SLC5A10: variants seen among roughly 807,000 people sequenced by gnomAD.
SLC5A10 encodes the protein solute carrier family 5 member 10.
Under a neutral mutation model 68.9 loss-of-function variants are expected in SLC5A10, and 55 were observed. The observed-to-expected ratio is 0.80, with a 90% CI of 0.64 to 1.00. The LOEUF is 1.00. Ranked by LOEUF, SLC5A10 falls within the 50% of genes least tolerant of loss-of-function variation. SLC5A10 has a pLI of 0.00. For missense variants in SLC5A10, 732 were observed against 819.3 expected, an observed-to-expected ratio of 0.89 and a Z score of 1.30; for synonymous variants, 344 against 344.8, an observed-to-expected ratio of 1.00 and a Z score of 0.02.
intron 9 of SLC5A10, chr17:18,979,617 C>T (rs757147716): frequency 6.2e-7 from 1 of 1,613,560 alleles, no homozygotes; most frequent in East Asian, 2.2e-5. Context: ...CACCCTTGAA[C>T]TTGGTTGCCG....
intron 9 of SLC5A10, chr17:18,978,148 C>G: frequency 6.5e-6 from 10 of 1,529,842 alleles, no homozygotes; most frequent in Non-Finnish European, 7.9e-6. Context: ...CTGTCCGGGG[C>G]TTGGGCACGG....
chr17:18,993,972 A>G (rs1373932956), intron 9 of SLC5A10, among the ~76,000 whole-genome samples: 2 of 151,984 alleles, frequency 1.3e-5, no homozygotes, highest in African/African-American at 4.8e-5. Context: ...CCTCCCACCA[A>G]CCCAAGTCCC....
intron 9 of SLC5A10, among the ~76,000 whole-genome samples, chr17:18,983,068 G>A (rs968614814): frequency 2.6e-5 from 4 of 152,248 alleles, no homozygotes; most frequent in African/African-American, 9.6e-5. Flanking sequence ...AAAACATCCA[G>A]GAGGGATGGA....
In SLC5A10 at chr17:18,976,879, C is replaced by A; in HGVS notation, c.872C>A (p.Ala291Asp). 3 of 1,613,618 alleles carry A rather than the reference C, an allele frequency of 1.9e-6. No individual in the cohort carries two copies. The highest frequency in any genetic ancestry group is 2.5e-6 in the Non-Finnish European group (3 of 1,180,020). The change falls in exon 9 of 15, where the codon GCC (alanine) becomes GAC (aspartate). Residue 291 changes from alanine to aspartate, a missense_variant. Transcript: ENST00000395645. ...GTCATCGTGCAGCGATCACTGTCAG[C>A]CCGGGACCTGAACCATGCCAAGGCG... is the stretch of plus-strand genomic sequence containing the variant. ...DQVIVQRSLS[A>D]RDLNHAKAGS...
intron 9 of SLC5A10, among the ~76,000 whole-genome samples, chr17:18,981,925 C>T (rs181793976): frequency 2.0e-5 from 3 of 152,328 alleles, no homozygotes; most frequent in Admixed American, 6.5e-5. Context: ...ACGAGGCCTT[C>T]CCTGTCACTG....
At chr17:19,015,233 A>AGAACGGGGGTGGGGGT in intron 11 of SLC5A10, 34 bp downstream of exon 11, 1 of 621,822 alleles carries the variant, frequency 1.6e-6, no homozygotes, top group Non-Finnish European at 2.5e-6. Context: ...GGGGTGGGGG[A>AGAACGGGGGTGGGGGT]ACACTACAAG....
intron 9 of SLC5A10, among the ~76,000 whole-genome samples, chr17:19,005,195 A>AC (rs1244937996): frequency 6.6e-6 from 1 of 152,174 alleles, no homozygotes; most frequent in Non-Finnish European, 1.5e-5. Context: ...GGGATAGGGC[A>AC]CTGACTGACC....
chr17:18,954,264 G>A (rs1163820930), intron 1 of SLC5A10: 3 of 152,542 alleles, frequency 2.0e-5, no homozygotes, highest in East Asian at 3.9e-4. Flanking sequence ...GATCTGAAGA[G>A]GGAAAGAGGA....
At chr17:18,988,466 C>T in intron 9 of SLC5A10, 1 of 1,595,278 alleles carries the variant, frequency 6.3e-7, no homozygotes, top group Non-Finnish European at 8.6e-7. Context: ...GCAGTGGGGA[C>T]AGGGTGCCCT....
At position 18,971,797 on chromosome 17, in the gene SLC5A10, C is replaced by T. The variant is rs1234974135; in HGVS notation, c.846+579C>T. On this transcript the variant is annotated intron_variant, in intron 8 of 14. Coordinates refer to ENST00000395645, the MANE Select transcript of SLC5A10 (RefSeq NM_001042450.4). The surrounding 1 kb of genome is among the most constrained non-coding windows in gnomAD (Gnocchi z 5.5). Reference sequence around the variant, plus strand: ...GAGGCTGAGCAAGAAGGGCCAACCCCGCCCCAGCACAGGACCCTGCTCAGG... The same window carrying T: ...GAGGCTGAGCAAGAAGGGCCAACCCTGCCCCAGCACAGGACCCTGCTCAGG... 9 of 1,517,804 alleles carry T rather than the reference C, an allele frequency of 5.9e-6. No individual in the cohort carries two copies. Among genetic ancestry groups the T allele is most frequent in the African/African-American group, 1.4e-5 (1 of 72,032 alleles). The allele number at this position is 1,517,804 out of a possible 1,614,324, so 94.0% of individuals were successfully genotyped here.
chr17:19,004,124 G>T lies in SLC5A10; in HGVS notation c.983-9286G>T. 1.5e-6 allele frequency: 2 copies of T among 1,370,374 alleles called. No individual in the cohort carries two copies. Among genetic ancestry groups the T allele is most frequent in the Non-Finnish European group, 2.0e-6 (2 of 1,009,332 alleles). The allele number at this position is 1,370,374 out of a possible 1,614,324, so 84.9% of individuals were successfully genotyped here. On this transcript the variant is annotated intron_variant, in intron 9 of 14. Coordinates refer to ENST00000395645, the MANE Select transcript of SLC5A10 (RefSeq NM_001042450.4). The surrounding 1 kb of genome is among the most constrained non-coding windows in gnomAD (Gnocchi z 5.4). ...CTCCGGCCCAGCTGGGGCACCGCGCGCTCGGGGGCCTCTCCGCGGCCTCTG... is the reference window on the plus strand; with the variant it reads ...CTCCGGCCCAGCTGGGGCACCGCGCTCTCGGGGGCCTCTCCGCGGCCTCTG...
intron 9 of SLC5A10, among the ~76,000 whole-genome samples, chr17:19,011,662 C>A (rs1271732519): frequency 2.0e-5 from 3 of 151,740 alleles, no homozygotes; most frequent in Non-Finnish European, 4.4e-5. Flanking sequence ...AAGCTATGAG[C>A]CTGGGGGGCT....
intron 9 of SLC5A10, among the ~76,000 whole-genome samples, chr17:18,985,280 T>C (rs879281130): frequency 5.9e-5 from 9 of 152,192 alleles, no homozygotes; most frequent in Admixed American, 5.9e-4. Context: ...CCCCATTTTG[T>C]AGACAAGACA....
chr17:18,963,444 C>T (rs1170196599), intron 5 of SLC5A10, among the ~76,000 whole-genome samples: 1 of 152,222 alleles, frequency 6.6e-6, no homozygotes, highest in Non-Finnish European at 1.5e-5. Flanking sequence ...ACAGGGAGCA[C>T]CCACTCACAT....
At chr17:18,959,011 C>A in intron 2 of SLC5A10, 124 bp from the exon 3 acceptor site, 1 of 960,870 alleles carries the variant, frequency 1.0e-6, no homozygotes, top group South Asian at 1.6e-5. Flanking sequence ...CCCTGGGCTC[C>A]TCATCCGTGA....
In SLC5A10 at chr17:18,978,900, C is replaced by T. The variant is rs199927443; in HGVS notation, c.982+1911C>T. ...GTCAGGCACATGACCCTGCTTCCTC[C>T]GCCCAGCCCCCGTGCACCCATAGCC... On this transcript the variant is annotated intron_variant, in intron 9 of 14. Coordinates refer to ENST00000395645, the MANE Select transcript of SLC5A10 (RefSeq NM_001042450.4). 5.1e-3 allele frequency: 8,176 copies of T among 1,590,806 alleles called. 30 individuals are homozygous for T. The highest frequency in any genetic ancestry group is 6.4e-3 in the Non-Finnish European group (7,418 of 1,166,442).
rs775357614 is a variant in SLC5A10, at chr17:19,019,486, C to G, written c.1305C>G (p.Asn435Lys). ...GGATCCCCGTCCTGCAGGACTCCAA[C>G]AGCGGGCAACTCTTCATCTACATGC... ...VAWIPVLQDS[N>K]SGQLFIYMQS... is the part of the protein sequence containing the mutation. The change falls in exon 12 of 15, where the codon AAC becomes AAG. Residue 435 changes from asparagine (N) to lysine (K), a missense_variant. Coordinates refer to ENST00000395645, the MANE Select transcript of SLC5A10 (RefSeq NM_001042450.4). 6.2e-7 allele frequency: 1 copy of G among 1,612,376 alleles called. No individual in the cohort carries two copies. The highest frequency in any genetic ancestry group is 2.2e-5 in the East Asian group (1 of 44,884).
chr17:19,021,944 C>T lies in SLC5A10; in HGVS notation c.*1513C>T, dbSNP rs1326265992. ...CTGTAAAAAGGCCCGTTGGCCAGAT[C>T]GGCCGCCGGGCTGCTCACAGGTGCA... On this transcript the variant is annotated 3_prime_UTR_variant, in exon 15 of 15. Transcript: ENST00000395645. This position sits in a 1 kb window ranked among gnomAD's most constrained non-coding sequence, Gnocchi z 4.1. 1.0e-5 allele frequency: 15 copies of T among 1,496,668 alleles called. No individual in the cohort carries two copies. The highest frequency in any genetic ancestry group is 7.0e-5 in the Admixed American group (3 of 43,048). The allele number at this position is 1,496,668 out of a possible 1,614,324, so 92.7% of individuals were successfully genotyped here.
In SLC5A10 at chr17:19,019,392, C is replaced by T. The variant is rs375209286; in HGVS notation, c.1242-31C>T. On this transcript the variant is annotated intron_variant, in intron 11 of 14. Coordinates refer to ENST00000395645, the MANE Select transcript of SLC5A10 (RefSeq NM_001042450.4). ...GAGAGAGCTGAAGAGCCTCCCACGACGACCGCTGCCTGCCTTCCACTCGCC... is the reference window on the plus strand; with the variant it reads ...GAGAGAGCTGAAGAGCCTCCCACGATGACCGCTGCCTGCCTTCCACTCGCC... 5.3e-5 allele frequency: 85 copies of T among 1,593,524 alleles called. No individual in the cohort carries two copies. The African/African-American group carries it at 9.0e-4, about 17-fold the overall frequency.
Sources: gnomAD v4.1 joint callset for allele counts (sites outside exome capture counted in the v4.1 genomes callset) on GRCh38, gnomAD v4.1.1 for gene constraint, Gnocchi (gnomAD v3.1) non-coding constraint, MANE v1.5 for transcripts, NCBI Gene and HGNC (gene_info 2026-07-23, HGNC 2026-07-21) for gene names.